Variants in NFKB2 observed in about 807,000 individuals in gnomAD.
The protein encoded by NFKB2 is nuclear factor kappa B subunit 2, also known as nuclear factor NF-kappa-B p100 subunit.
NFKB2 carries 21 observed loss-of-function variants against 109.3 expected under a neutral mutation model. The observed-to-expected ratio is 0.19, with a 90% CI of 0.14 to 0.28. The LOEUF (loss-of-function observed/expected upper bound fraction) is 0.28. NFKB2 is among the 10% of genes least tolerant of loss of function. NFKB2 has a pLI of 1.00. For missense variants in NFKB2, 806 were observed against 1,185.3 expected, an observed-to-expected ratio of 0.68 and a Z score of 4.70; for synonymous variants, 478 against 489.9, an observed-to-expected ratio of 0.98 and a Z score of 0.32.
Position 102,400,830 on chromosome 10 carries a change from A to G in NFKB2, c.1968+6A>G. 1 of 1,586,938 alleles carries G rather than the reference A, an allele frequency of 6.3e-7. No individual in the cohort carries two copies. The highest frequency in any genetic ancestry group is 1.1e-5 in the South Asian group (1 of 87,726). On this transcript the variant is annotated splice_donor_region_variant and intron_variant, in intron 17 of 22. Transcript: ENST00000661543. This position sits in a 1 kb window ranked among gnomAD's most constrained non-coding sequence, Gnocchi z 6.3. Reference sequence around the variant, plus strand: ...TCACCCATCTGGTCACCAAGGTGGGACTGAGGATTGTGGAAGGAGTGGGGC... The same window carrying G: ...TCACCCATCTGGTCACCAAGGTGGGGCTGAGGATTGTGGAAGGAGTGGGGC...
chr10:102,396,616 C>T lies in NFKB2; in HGVS notation c.145-109C>T. On this transcript the variant is annotated intron_variant, in intron 4 of 22. Transcript: ENST00000661543. The surrounding 1 kb of genome is among the most constrained non-coding windows in gnomAD (Gnocchi z 5.9). ...ACAGGGGATTGGATGGTCACTGCTG[C>T]TGATCAGAGTGCTGTAGTTTGGTTC... The T allele has an allele frequency of 6.4e-7, 1 of 1,554,234 alleles. No individual in the cohort carries two copies. Among genetic ancestry groups the T allele is most frequent in the South Asian group, 1.1e-5 (1 of 88,656 alleles).
Position 102,399,618 on chromosome 10 carries a change from A to T in NFKB2, c.1369A>T (p.Ser457Cys). 1 of 1,546,398 alleles carries T rather than the reference A, an allele frequency of 6.5e-7. No homozygotes were observed. The highest frequency in any genetic ancestry group is 8.7e-7 in the Non-Finnish European group (1 of 1,145,570). ...NARLFGLAQRSARALLDYGVT... is the reference protein window; with the variant it reads ...NARLFGLAQRCARALLDYGVT... ...GCGCCTGTTCGGCCTGGCGCAGCGC[A>T]GCGCCCGAGCCCTACTCGACTACGG... Residue 457 changes from serine (S) to cysteine (C), a missense_variant, in exon 14 of 23, where the codon AGC becomes TGC. Physicochemically the swap from Ser to Cys is moderately radical, Grantham distance 112. Coordinates refer to ENST00000661543, the MANE Select transcript of NFKB2 (RefSeq NM_001322934.2).
chr10:102,400,395 C>T lies in NFKB2; in HGVS notation c.1702C>T (p.Leu568=). Residue 568 remains leucine (L), a synonymous_variant, in exon 16 of 23, where the codon CTG becomes TTG. Coordinates refer to ENST00000661543, the MANE Select transcript of NFKB2 (RefSeq NM_001322934.2). This position sits in a 1 kb window ranked among gnomAD's most constrained non-coding sequence, Gnocchi z 6.3. ...RHGDSAMHLA[L]RAGAGAPELL... The stretch of plus-strand genomic sequence containing the variant: ...TGGAGACTCAGCCATGCATCTGGCG[C>T]TGCGGGCAGGCGCTGGTGCTCCTGA... 6.2e-7 allele frequency: 1 copy of T among 1,613,496 alleles called. No homozygotes were observed. The highest frequency in any genetic ancestry group is 1.1e-5 in the South Asian group (1 of 91,086).
At chr10:102,399,775 G>A (rs1283882770) in intron 14 of NFKB2, 57 bp downstream of exon 14, 2 of 1,438,026 alleles carry the variant, frequency 1.4e-6, no homozygotes, top group Non-Finnish European at 9.1e-7. Context: ...AAAGGGACCG[G>A]CACGGAGGCG....
chr10:102,399,532 G>A (rs765490887), intron 13 of NFKB2, 35 bp downstream of exon 13: 1 of 1,510,168 alleles, frequency 6.6e-7, no homozygotes, highest in Non-Finnish European at 8.9e-7. Flanking sequence ...TCGGGGCGCC[G>A]GGGCTGAGGA....
upstream of NFKB2, chr10:102,394,762 G>A (rs952457388): frequency 2.0e-5 from 3 of 152,580 alleles, no homozygotes; most frequent in Non-Finnish European, 2.9e-5. Context: ...GTTGTACAAA[G>A]ATACGCGGAC....
rs1024608272 is a variant in NFKB2 at position 102,398,582 on chromosome 10, G to A, written c.991+59G>A. 3 of 1,609,084 alleles carry A rather than the reference G, an allele frequency of 1.9e-6. No homozygotes were observed. Among genetic ancestry groups the A allele is most frequent in the Admixed American group, 1.7e-5 (1 of 59,686 alleles). On this transcript the variant is annotated intron_variant, in intron 11 of 22. Coordinates refer to ENST00000661543, the MANE Select transcript of NFKB2 (RefSeq NM_001322934.2). The surrounding 1 kb of genome is among the most constrained non-coding windows in gnomAD (Gnocchi z 6.6). Reference sequence around the variant, plus strand: ...GGGGGGCCAGGCTGGGCTAGAAGAAGGTCCCAAGAGCTAGATGTGGGGATG... The same window carrying A: ...GGGGGGCCAGGCTGGGCTAGAAGAAAGTCCCAAGAGCTAGATGTGGGGATG...
At position 102,399,367 on chromosome 10, in the gene NFKB2, G is replaced by A. The variant is rs375589125; in HGVS notation, c.1197G>A (p.Pro399=). ...QSGAGPMGCY[P]GGGGGAQMAA... ...GCGCGGGCCCCATGGGCTGCTACCC[G>A]GGAGGCGGGGGCGGGGCGCAGATGG... is the stretch of plus-strand genomic sequence containing the variant. Residue 399 remains proline (P), a synonymous_variant, in exon 13 of 23, where the codon CCG becomes CCA. Transcript: ENST00000661543. 1.3e-6 allele frequency: 2 copies of A among 1,552,734 alleles called. No individual in the cohort carries two copies. The highest frequency in any genetic ancestry group is 1.7e-6 in the Non-Finnish European group (2 of 1,150,378).
Position 102,397,432 on chromosome 10 carries a change from G to A in NFKB2, c.502+24G>A. The A allele has an allele frequency of 1.6e-6, 2 of 1,273,664 alleles. No individual in the cohort carries two copies. The highest frequency in any genetic ancestry group is 2.2e-6 in the Non-Finnish European group (2 of 904,304). 78.9% of individuals were successfully genotyped at this position (1,273,664 alleles called of 1,614,324 possible). ...GGGTATGGGTGCAGGGGGTGGGTCG[G>A]GTATGGGTGCAGGGGGTGGGTGGGT... On this transcript the variant is annotated intron_variant, in intron 7 of 22. Coordinates refer to ENST00000661543, the MANE Select transcript of NFKB2 (RefSeq NM_001322934.2). This position sits in a 1 kb window ranked among gnomAD's most constrained non-coding sequence, Gnocchi z 4.7.
Position 102,399,709 on chromosome 10 carries a change from A to G in NFKB2, c.1460A>G (p.Asn487Ser). 4.7e-6 allele frequency: 7 copies of G among 1,489,446 alleles called. No individual in the cohort carries two copies. The highest frequency in any genetic ancestry group is 6.3e-6 in the Non-Finnish European group (7 of 1,117,854). 92.3% of individuals were successfully genotyped at this position (1,489,446 alleles called of 1,614,324 possible). The change falls in exon 14 of 23, where the codon AAC becomes AGC. Residue 487 changes from asparagine (N) to serine (S), a missense_variant. Coordinates refer to ENST00000661543, the MANE Select transcript of NFKB2 (RefSeq NM_001322934.2). Reference protein sequence around the residue: ...QRHLLTAQDENGDTPLHLAII... With the variant: ...QRHLLTAQDESGDTPLHLAII... ...CACCTGCTGACGGCGCAGGACGAGA[A>G]CGGAGACACGTAGGCAACAGAGGGC...
At position 102,397,145 on chromosome 10, in the gene NFKB2, A is replaced by G; in HGVS notation, c.395+90A>G. 1.3e-6 allele frequency: 2 copies of G among 1,565,350 alleles called. No individual in the cohort carries two copies. Among genetic ancestry groups the G allele is most frequent in the Non-Finnish European group, 1.7e-6 (2 of 1,150,126 alleles). On this transcript the variant is annotated intron_variant, in intron 6 of 22. Coordinates refer to ENST00000661543, the MANE Select transcript of NFKB2 (RefSeq NM_001322934.2). This position sits in a 1 kb window ranked among gnomAD's most constrained non-coding sequence, Gnocchi z 4.7. ...CCTCCATGAGCTTAGCATCTGACCA[A>G]GGGGAAAGATGTAGGTTGGCCCCAA... is the stretch of plus-strand genomic sequence containing the variant.
intron 21 of NFKB2, 38 bp from the exon 22 acceptor site, chr10:102,402,010 C>T (rs1230383404): frequency 2.0e-5 from 31 of 1,574,162 alleles, no homozygotes; most frequent in Non-Finnish European, 2.7e-5. Flanking sequence ...AGCACATGCC[C>T]TAACCATGAC....
At position 102,401,142 on chromosome 10, in the gene NFKB2, C is replaced by G. The variant is rs1054477852; in HGVS notation, c.2072-38C>G. On this transcript the variant is annotated intron_variant, in intron 18 of 22. Transcript: ENST00000661543. The surrounding 1 kb of genome is among the most constrained non-coding windows in gnomAD (Gnocchi z 4.2). Reference sequence around the variant, plus strand: ...CGACTTTGCAGTCCTTAATGTAGGCCCCCACCATACCGCCCCATGACGGCC... The same window carrying G: ...CGACTTTGCAGTCCTTAATGTAGGCGCCCACCATACCGCCCCATGACGGCC... 6 of 1,599,674 alleles carry G rather than the reference C, an allele frequency of 3.8e-6. No individual in the cohort carries two copies. In the African/African-American group the frequency reaches 6.7e-5, roughly 18 times the overall value.
At chr10:102,394,697 T>C (rs1435603157), upstream of NFKB2, 2 of 152,696 alleles carry the variant, frequency 1.3e-5, no homozygotes, top group African/African-American at 2.4e-5. Flanking sequence ...GAGCAGCAGC[T>C]GCACACAGCC....
rs1172159229 is a variant in NFKB2 at position 102,398,314 on chromosome 10, C to A, written c.852+17C>A. On this transcript the variant is annotated intron_variant, in intron 10 of 22. Coordinates refer to ENST00000661543, the MANE Select transcript of NFKB2 (RefSeq NM_001322934.2). The surrounding 1 kb of genome is among the most constrained non-coding windows in gnomAD (Gnocchi z 6.6). ...CATAAACAGGTACCCAGGGCTAGGG[C>A]CCGGGCCCGGGCTGGGGGCTAAATT... 6.2e-7 allele frequency: 1 copy of A among 1,613,970 alleles called. No individual in the cohort carries two copies. The highest frequency in any genetic ancestry group is 1.3e-5 in the African/African-American group (1 of 75,008).
Position 102,401,160 on chromosome 10 carries a change from T to A in NFKB2, c.2072-20T>A. 1 of 1,591,754 alleles carries A rather than the reference T, an allele frequency of 6.3e-7. No homozygotes were observed. On this transcript the variant is annotated intron_variant, in intron 18 of 22. Transcript: ENST00000661543. This position sits in a 1 kb window ranked among gnomAD's most constrained non-coding sequence, Gnocchi z 4.2. The stretch of plus-strand genomic sequence containing the variant: ...TGTAGGCCCCCACCATACCGCCCCA[T>A]GACGGCCTCCCTCTCCCAGGTGCTG...
In NFKB2 at chr10:102,401,860, G is replaced by A. The variant is rs2061260982; in HGVS notation, c.2409G>A (p.Leu803=). The change falls in exon 21 of 23, where the codon CTG becomes CTA. Residue 803 remains leucine (L), a synonymous_variant. Coordinates refer to ENST00000661543, the MANE Select transcript of NFKB2 (RefSeq NM_001322934.2). This position sits in a 1 kb window ranked among gnomAD's most constrained non-coding sequence, Gnocchi z 4.2. ...CAGAGCGTCTGGGGCTGCGCAGCCT[G>A]GTAGACACGTACCGACAGACAACCT... ...ELAERLGLRS[L]VDTYRQTTSP... is the part of the protein sequence containing the mutation. 10 of 1,613,882 alleles carry A rather than the reference G, an allele frequency of 6.2e-6. No homozygotes were observed. Among genetic ancestry groups the A allele is most frequent in the Non-Finnish European group, 8.5e-6 (10 of 1,179,942 alleles).
upstream of NFKB2, among the ~76,000 whole-genome samples, chr10:102,395,370 T>C (rs2061085646): frequency 6.6e-6 from 1 of 152,090 alleles, no homozygotes; most frequent in Non-Finnish European, 1.5e-5. Flanking sequence ...CCGGGGTTTA[T>C]CAGCCGTGGC....
In NFKB2 at chr10:102,397,806, G is replaced by A; in HGVS notation, c.661+121G>A. ...AACCTGGCCCTGCCACATATGAGCT[G>A]AGTGATCCTGAGCAAGTCATTTCCC... On this transcript the variant is annotated intron_variant, in intron 8 of 22. Transcript: ENST00000661543. This position sits in a 1 kb window ranked among gnomAD's most constrained non-coding sequence, Gnocchi z 4.7. The A allele has an allele frequency of 6.7e-6, 9 of 1,334,050 alleles. No individual in the cohort carries two copies. Among genetic ancestry groups the A allele is most frequent in the South Asian group, 1.3e-5 (1 of 75,460 alleles). The allele number at this position is 1,334,050 out of a possible 1,614,324, so 82.6% of individuals were successfully genotyped here.
Sources: gnomAD v4.1 joint callset for allele counts (sites outside exome capture counted in the v4.1 genomes callset) on GRCh38, gnomAD v4.1.1 for gene constraint, Gnocchi (gnomAD v3.1) non-coding constraint, MANE v1.5 for transcripts, NCBI Gene and HGNC (gene_info 2026-07-23, HGNC 2026-07-21) for gene names.